The following TXNDC5 variants were observed in gnomAD, a reference collection of about 807,000 sequenced individuals.
The protein encoded by TXNDC5 is thioredoxin domain containing 5.
A neutral mutation model predicts 52.6 loss-of-function variants in TXNDC5; 44 were observed. That is an observed-to-expected ratio of 0.84 (90% CI 0.66 to 1.08). TXNDC5 has a LOEUF of 1.08. TXNDC5 is among the 50% of genes least tolerant of loss of function. TXNDC5 has a pLI of 0.00. For missense variants in TXNDC5, 600 were observed against 565.5 expected, an observed-to-expected ratio of 1.06 and a Z score of -0.62; for synonymous variants, 241 against 234.4, an observed-to-expected ratio of 1.03 and a Z score of -0.26.
At chr6:7,908,281 C>CAAAAAA (rs57783770) in intron 1 of TXNDC5, among the ~76,000 whole-genome samples, 3 of 62,748 alleles carry the variant, frequency 4.8e-5, no homozygotes, top group Non-Finnish European at 6.4e-5. Flanking sequence ...GACTCCATCT[C>CAAAAAA]AAAAAAAAAA....
Position 7,885,973 on chromosome 6 carries a change from A to C in TXNDC5, c.1034T>G (p.Phe345Cys). 4 of 1,614,136 alleles carry C rather than the reference A, an allele frequency of 2.5e-6. No homozygotes were observed. Among genetic ancestry groups the C allele is most frequent in the Non-Finnish European group, 3.4e-6 (4 of 1,180,016 alleles). The change falls in exon 8 of 10, where the codon TTT (phenylalanine) becomes TGT (cysteine). Residue 345 changes from phenylalanine to cysteine, a missense_variant. Transcript: ENST00000379757. ...TIAEGITFIK[F>C]YAPWCGHCKT... ...AACAGCCACTTACCATGGAGCATAAAACTTGATGAAGGTTATTCCTTCTGC... is the reference window on the plus strand; with the variant it reads ...AACAGCCACTTACCATGGAGCATAACACTTGATGAAGGTTATTCCTTCTGC...
intron 2 of TXNDC5, among the ~76,000 whole-genome samples, chr6:7,902,621 T>C (rs550462351): frequency 6.6e-6 from 1 of 151,874 alleles, no homozygotes; most frequent in East Asian, 1.9e-4. Flanking sequence ...GCGACCACAT[T>C]GCACACAGCA....
intron 8 of TXNDC5, among the ~76,000 whole-genome samples, chr6:7,885,017 C>G (rs1356108503): frequency 6.6e-6 from 1 of 152,216 alleles, no homozygotes; most frequent in African/African-American, 2.4e-5. Flanking sequence ...CTTGTCTCTT[C>G]TGACCCCCTC....
chr6:7,885,882 G>A, intron 8 of TXNDC5, 79 bp downstream of exon 8: 1 of 1,310,616 alleles, frequency 7.6e-7, no homozygotes, highest in Non-Finnish European at 1.1e-6. Flanking sequence ...TGAGTCTGGA[G>A]GGGTGGCAGA....
chr6:7,900,077 T>G (rs1316382513), intron 2 of TXNDC5: 1 of 154,210 alleles, frequency 6.5e-6, no homozygotes, highest in Non-Finnish European at 1.4e-5. Flanking sequence ...ACGGTGTTGT[T>G]TTGCAATTAA....
intron 1 of TXNDC5, among the ~76,000 whole-genome samples, chr6:7,909,549 C>T (rs944109135): frequency 2.3e-4 from 35 of 152,162 alleles, no homozygotes; most frequent in African/African-American, 8.4e-4. Flanking sequence ...GCAAGAGGGA[C>T]CATCTGCTCA....
At chr6:7,897,657 C>G (rs891286223) in intron 3 of TXNDC5, among the ~76,000 whole-genome samples, 1 of 152,164 alleles carries the variant, frequency 6.6e-6, no homozygotes, top group Non-Finnish European at 1.5e-5. Flanking sequence ...CTGGACGCAG[C>G]CTCTCAGCCC....
chr6:7,899,524 G>A (rs1760487710), intron 3 of TXNDC5, 52 bp downstream of exon 3: 18 of 1,277,826 alleles, frequency 1.4e-5, no homozygotes, highest in South Asian at 6.8e-5. Context: ...AAAGATGTAG[G>A]CAGGGAGAGA....
chr6:7,893,192 C>G (rs1007137107), intron 4 of TXNDC5, among the ~76,000 whole-genome samples: 1 of 152,218 alleles, frequency 6.6e-6, no homozygotes, highest in Admixed American at 6.5e-5. Flanking sequence ...AAACTGAAAG[C>G]AGGCTGTGGC....
intron 1 of TXNDC5, chr6:7,909,897 G>A: frequency 2.0e-6 from 2 of 986,044 alleles, no homozygotes; most frequent in Non-Finnish European, 2.4e-6. Flanking sequence ...GGCCGCGGCA[G>A]CAGCAAGGCC....
rs199625193 is a variant in TXNDC5 at position 7,895,697 on chromosome 6, AC to A, written c.520-496del. Among the ~76,000 whole-genome samples, 640 of 152,208 alleles carry A rather than the reference AC, an allele frequency of 4.2e-3. 4 individuals are homozygous for A. The highest frequency in any genetic ancestry group is 0.015 in the African/African-American group (605 of 41,528). ...CATTTTGGGAGGCTGAGGCAAGAGG[AC>A]TGCTTGAGCCCAGCAGTTCAAGACC... is the stretch of plus-strand genomic sequence containing the variant. On this transcript the variant is annotated intron_variant, in intron 3 of 9. Transcript: ENST00000379757.
intron 3 of TXNDC5, 143 bp from the exon 4 acceptor site, chr6:7,895,345 C>A: frequency 1.4e-6 from 1 of 704,558 alleles, no homozygotes; most frequent in Non-Finnish European, 2.3e-6. Context: ...TGCTGCTGTG[C>A]TGAGTGAGGC....
intron 6 of TXNDC5, 29 bp from the exon 7 acceptor site, chr6:7,888,877 T>G: frequency 6.3e-7 from 1 of 1,578,952 alleles, no homozygotes; most frequent in Non-Finnish European, 8.6e-7. Flanking sequence ...CGCGGCTGAG[T>G]GAGTCCACTG....
chr6:7,903,952 TG>T (rs1401129891), intron 2 of TXNDC5, among the ~76,000 whole-genome samples: 1 of 152,180 alleles, frequency 6.6e-6, no homozygotes, highest in Non-Finnish European at 1.5e-5. Context: ...GATACAGGCC[TG>T]GAAAGCCGTC....
chr6:7,888,953 C>T, intron 6 of TXNDC5, 105 bp from the exon 7 acceptor site: 2 of 1,425,248 alleles, frequency 1.4e-6, no homozygotes, highest in Non-Finnish European at 1.9e-6. Flanking sequence ...TCCCAGATGT[C>T]TTAGCGGTGG....
intron 1 of TXNDC5, among the ~76,000 whole-genome samples, chr6:7,906,213 C>T (rs1760722237): frequency 6.6e-6 from 1 of 151,994 alleles, no homozygotes; most frequent in Non-Finnish European, 1.5e-5. Context: ...TGCACTCCAG[C>T]CTGGGTGACA....
chr6:7,891,543 G>A, intron 5 of TXNDC5, 78 bp downstream of exon 5: 1 of 1,197,062 alleles, frequency 8.4e-7, no homozygotes. Flanking sequence ...TTTGCACACG[G>A]AATGAATAAT....
intron 3 of TXNDC5, among the ~76,000 whole-genome samples, chr6:7,898,029 A>G (rs1760432149): frequency 6.6e-6 from 1 of 151,326 alleles, no homozygotes; most frequent in African/African-American, 2.4e-5. Context: ...ACATAACATC[A>G]CACACCAACA....
chr6:7,881,639 G>GACAGTTGTGCTTCTCT lies in TXNDC5; in HGVS notation c.*1489_*1504dup, dbSNP rs1561802167. ...CTGAAGTTGTGTGTACAAGACTCTTGACAGTTGTGCTTCTCTAGGAGGTTG... is the reference window on the plus strand; with the variant it reads ...CTGAAGTTGTGTGTACAAGACTCTTGACAGTTGTGCTTCTCTACAGTTGTGCTTCTCTAGGAGGTTG... On this transcript the variant is annotated 3_prime_UTR_variant, in exon 10 of 10. Coordinates refer to ENST00000379757, the MANE Select transcript of TXNDC5 (RefSeq NM_030810.5). 6.7e-6 allele frequency: 1 copy of GACAGTTGTGCTTCTCT among 150,130 alleles called. No homozygotes were observed. The highest frequency in any genetic ancestry group is 1.9e-4 in the East Asian group (1 of 5,144). The allele number at this position is 150,130 out of a possible 1,614,324, so 9.3% of individuals were successfully genotyped here. A position where few individuals can be genotyped will look rare whatever the true frequency, so the allele number is the denominator to read the frequency against.
Sources: gnomAD v4.1 joint callset for allele counts (sites outside exome capture counted in the v4.1 genomes callset) on GRCh38, gnomAD v4.1.1 for gene constraint, MANE v1.5 for transcripts, NCBI Gene and HGNC (gene_info 2026-07-23, HGNC 2026-07-21) for gene names.